KCNIP4: variants seen among roughly 807,000 people sequenced by gnomAD.
KCNIP4 encodes the protein potassium voltage-gated channel interacting protein 4, also known as Kv channel-interacting protein 4.
KCNIP4 carries 12 observed loss-of-function variants against 34.0 expected under a neutral mutation model. That is an observed-to-expected ratio of 0.35 (90% CI 0.23 to 0.57). KCNIP4 has a LOEUF of 0.57. KCNIP4 is among the 20% of genes least tolerant of loss of function. KCNIP4 has a pLI of 0.83. For synonymous variants in KCNIP4, 124 were observed against 102.2 expected, an observed-to-expected ratio of 1.21 and a Z score of -1.29; for missense variants, 238 against 311.7, an observed-to-expected ratio of 0.76 and a Z score of 1.78.
intron 1 of KCNIP4, among the ~76,000 whole-genome samples, chr4:21,629,409 C>G (rs987119316): frequency 6.6e-6 from 1 of 152,144 alleles, no homozygotes; most frequent in Non-Finnish European, 1.5e-5. Flanking sequence ...AGCAATAATA[C>G]TAACTACTCT....
chr4:21,715,207 A>G (rs998849479), intron 1 of KCNIP4, among the ~76,000 whole-genome samples: 1 of 151,222 alleles, frequency 6.6e-6, no homozygotes, highest in African/African-American at 2.4e-5. Flanking sequence ...TATCTTCCCA[A>G]GTACCTGGGA....
intron 3 of KCNIP4, among the ~76,000 whole-genome samples, chr4:20,761,963 T>C (rs945148572): frequency 7.9e-5 from 12 of 152,170 alleles, no homozygotes; most frequent in African/African-American, 2.9e-4. Context: ...CTGGGACTGC[T>C]ACAATAAACC....
chr4:21,798,027 C>A (rs1720732219), intron 1 of KCNIP4, among the ~76,000 whole-genome samples: 2 of 151,940 alleles, frequency 1.3e-5, no homozygotes, highest in African/African-American at 2.4e-5. Context: ...GATTGCCCCC[C>A]ACTCCTAGCT....
intron 1 of KCNIP4, among the ~76,000 whole-genome samples, chr4:21,789,159 A>G (rs992631206): frequency 1.3e-5 from 2 of 151,816 alleles, no homozygotes; most frequent in African/African-American, 2.4e-5. Context: ...AGGTATTACA[A>G]CTCACACTCA....
At chr4:21,596,067 C>T (rs1032309824) in intron 1 of KCNIP4, among the ~76,000 whole-genome samples, 8 of 152,100 alleles carry the variant, frequency 5.3e-5, no homozygotes, top group African/African-American at 1.2e-4. Context: ...GCGCAACCAA[C>T]GCCTTGTATC....
chr4:21,438,884 G>A (rs866105453), intron 1 of KCNIP4, among the ~76,000 whole-genome samples: 40 of 151,986 alleles, frequency 2.6e-4, no homozygotes, highest in African/African-American at 8.0e-4. Context: ...GAGAAAGGAC[G>A]GGGCGTGGTG....
chr4:21,668,364 A>AC (rs1553918396), intron 1 of KCNIP4, among the ~76,000 whole-genome samples: 1 of 152,094 alleles, frequency 6.6e-6, no homozygotes, highest in Non-Finnish European at 1.5e-5. Flanking sequence ...AGAAAAAAAA[A>AC]CTGCTGTATT....
intron 1 of KCNIP4, among the ~76,000 whole-genome samples, chr4:21,901,009 T>G (rs1466383365): frequency 6.6e-6 from 1 of 152,238 alleles, no homozygotes; most frequent in Non-Finnish European, 1.5e-5. Flanking sequence ...ATTTGCATTT[T>G]ATGCTACTTT....
chr4:20,929,466 G>A (rs1730222722), intron 1 of KCNIP4, among the ~76,000 whole-genome samples: 1 of 151,962 alleles, frequency 6.6e-6, no homozygotes, highest in Non-Finnish European at 1.5e-5. Context: ...TTTTCACTAA[G>A]ATCCAGTGCA....
intron 1 of KCNIP4, among the ~76,000 whole-genome samples, chr4:21,796,581 G>C (rs1012794688): frequency 6.6e-6 from 1 of 152,158 alleles, no homozygotes; most frequent in Non-Finnish European, 1.5e-5. Context: ...AAGATAATGA[G>C]CCATTTCTTA....
At chr4:21,441,132 C>A (rs958022768) in intron 1 of KCNIP4, among the ~76,000 whole-genome samples, 2 of 150,186 alleles carry the variant, frequency 1.3e-5, no homozygotes, top group Admixed American at 6.7e-5. Context: ...GTTTATGACA[C>A]CTTTCTTTTT....
At chr4:21,357,940 C>T (rs879190351) in intron 1 of KCNIP4, among the ~76,000 whole-genome samples, 3 of 152,074 alleles carry the variant, frequency 2.0e-5, no homozygotes, top group Admixed American at 6.5e-5. Context: ...CAATGATAGA[C>T]TGGATTAATA....
intron 1 of KCNIP4, among the ~76,000 whole-genome samples, chr4:21,754,328 A>G (rs1487809974): frequency 2.0e-5 from 3 of 152,126 alleles, no homozygotes; most frequent in Non-Finnish European, 4.4e-5. Flanking sequence ...TACCGGACCA[A>G]GCTTATTTAT....
intron 1 of KCNIP4, among the ~76,000 whole-genome samples, chr4:21,805,258 A>G (rs939507426): frequency 6.6e-6 from 1 of 152,182 alleles, no homozygotes; most frequent in African/African-American, 2.4e-5. Flanking sequence ...ATGTATTGAT[A>G]TGGTTGGGCT....
intron 2 of KCNIP4, among the ~76,000 whole-genome samples, chr4:20,864,076 G>T (rs10024108): frequency 0.036 from 5,429 of 149,446 alleles, 316 homozygotes; most frequent in African/African-American, 0.13. Flanking sequence ...GTATACGTAT[G>T]TATGTATGTA....
chr4:21,388,779 C>T (rs899727437), intron 1 of KCNIP4, among the ~76,000 whole-genome samples: 7 of 152,088 alleles, frequency 4.6e-5, no homozygotes, highest in African/African-American at 1.7e-4. Context: ...TCTTTTGTGA[C>T]TGGCTTCATT....
chr4:21,329,151 C>G (rs923404821), intron 1 of KCNIP4, among the ~76,000 whole-genome samples: 7 of 152,192 alleles, frequency 4.6e-5, no homozygotes, highest in African/African-American at 1.7e-4. Flanking sequence ...CTGTGTAAAA[C>G]AATGCATGCA....
chr4:21,417,903 C>T (rs1252205466), intron 1 of KCNIP4, among the ~76,000 whole-genome samples: 1 of 151,980 alleles, frequency 6.6e-6, no homozygotes, highest in Non-Finnish European at 1.5e-5. Flanking sequence ...CTCAGTTTGG[C>T]CTAAGTTGGA....
intron 1 of KCNIP4, among the ~76,000 whole-genome samples, chr4:21,912,167 A>C (rs1728368713): frequency 6.6e-6 from 1 of 151,964 alleles, no homozygotes; most frequent in Non-Finnish European, 1.5e-5. Flanking sequence ...TATGTGCTGA[A>C]TATTGTTATG....
Sources: allele counts gnomAD v4.1 joint callset (sites outside exome capture counted in the v4.1 genomes callset), GRCh38; gene constraint gnomAD v4.1.1; transcripts MANE v1.5; gene names NCBI Gene and HGNC (gene_info 2026-07-23, HGNC 2026-07-21).